Variants in TMPRSS9 observed in about 807,000 individuals in gnomAD.
TMPRSS9 encodes transmembrane protease serine 9.
A neutral mutation model predicts 111.4 loss-of-function variants in TMPRSS9; 113 were observed. The observed-to-expected ratio is 1.01, with a 90% CI of 0.87 to 1.19. The LOEUF is 1.19. TMPRSS9 is among the 50% of genes most tolerant of loss of function. The pLI, the probability that TMPRSS9 is intolerant of heterozygous loss-of-function variation, is 0.00. For synonymous variants in TMPRSS9, 805 were observed against 659.1 expected (o/e 1.22, Z -3.39); for missense variants, 1,803 against 1,513.1 (o/e 1.19, Z -3.18).
At chr19:2,374,136 T>C (rs1218593434) in intron 1 of TMPRSS9, among the ~76,000 whole-genome samples, 1 of 152,014 alleles carries the variant, frequency 6.6e-6, no homozygotes. Context: ...CTTCACTGCT[T>C]TTCAAGCTAT....
intron 8 of TMPRSS9, among the ~76,000 whole-genome samples, chr19:2,409,888 CAG>C (rs1329512579): frequency 4.6e-5 from 7 of 151,906 alleles, no homozygotes; most frequent in Admixed American, 6.6e-5. Flanking sequence ...GGGCGTGAGA[CAG>C]GGGCTGATTC....
At chr19:2,394,483 G>C (rs1970666346) in intron 1 of TMPRSS9, among the ~76,000 whole-genome samples, 1 of 152,140 alleles carries the variant, frequency 6.6e-6, no homozygotes, top group Admixed American at 6.6e-5. Flanking sequence ...AGAGCGGGAG[G>C]CGTTCTGAAC....
chr19:2,414,281 C>G, intron 10 of TMPRSS9: 1 of 332,726 alleles, frequency 3.0e-6, no homozygotes, highest in Non-Finnish European at 5.6e-6. Context: ...GCTCCGTCGC[C>G]CAGGCTGGAG....
intron 1 of TMPRSS9, among the ~76,000 whole-genome samples, chr19:2,391,261 T>TAAAAAAAAAAAAAAAAAA (rs1555677770): frequency 1.3e-5 from 1 of 75,172 alleles, no homozygotes; most frequent in African/African-American, 6.3e-5. Flanking sequence ...AAAAAAAAAG[T>TAAAAAAAAAAAAAAAAAA]TAATTTTAAC....
intron 11 of TMPRSS9, 80 bp downstream of exon 12, chr19:2,415,921 G>T: frequency 7.5e-6 from 11 of 1,474,348 alleles, no homozygotes; most frequent in Non-Finnish European, 9.9e-6. Flanking sequence ...ATCCTGCTGG[G>T]GCTGCTGCAT....
At chr19:2,396,661 G>T (rs746597434) in exon 2 of TMPRSS9, 20 of 1,608,178 alleles carry the variant, frequency 1.2e-5, no homozygotes, top group Non-Finnish European at 1.4e-5. Flanking sequence ...CACCCTGGAG[G>T]CACTGGTGAG....
chr19:2,420,190 G>A (rs886410157), intron 13 of TMPRSS9, among the ~76,000 whole-genome samples: 1 of 152,022 alleles, frequency 6.6e-6, no homozygotes, highest in African/African-American at 2.4e-5. Flanking sequence ...GCAGTGGCAT[G>A]CATTTTGGGA....
chr19:2,379,633 CTT>C (rs1285307655), intron 1 of TMPRSS9, among the ~76,000 whole-genome samples: 12 of 146,366 alleles, frequency 8.2e-5, no homozygotes, highest in African/African-American at 3.1e-4. Flanking sequence ...TTCTTTCTTT[CTT>C]TCTTTCTTTC....
intron 7 of TMPRSS9, among the ~76,000 whole-genome samples, chr19:2,405,755 G>A (rs1471783185): frequency 1.3e-5 from 2 of 150,562 alleles, no homozygotes; most frequent in African/African-American, 4.9e-5. Context: ...GTCCAGGCTG[G>A]AGTGCAGTGA....
At chr19:2,389,678 G>A, upstream of TMPRSS9, 5 of 1,398,780 alleles carry the variant, frequency 3.6e-6, no homozygotes, top group Non-Finnish European at 4.8e-6. Flanking sequence ...GTTTTTAAGG[G>A]TATAGTTGCA....
intron 6 of TMPRSS9, among the ~76,000 whole-genome samples, chr19:2,404,219 T>C (rs1255105146): frequency 6.6e-6 from 1 of 152,084 alleles, no homozygotes; most frequent in Admixed American, 6.6e-5. Context: ...ATAAAAATAC[T>C]AGCCCATGCA....
intron 5 of TMPRSS9, among the ~76,000 whole-genome samples, chr19:2,402,529 C>T (rs1216901301): frequency 1.3e-5 from 2 of 151,984 alleles, no homozygotes; most frequent in African/African-American, 4.8e-5. Context: ...CACCTGAGGT[C>T]AGGAGTTCGA....
At chr19:2,389,229 A>G (rs997938063), upstream of TMPRSS9, among the ~76,000 whole-genome samples, 1 of 145,272 alleles carries the variant, frequency 6.9e-6, no homozygotes, top group South Asian at 2.2e-4. Flanking sequence ...GCCCACCACC[A>G]CGCCTGACTA....
At chr19:2,383,596 A>G (rs1171814828) in intron 1 of TMPRSS9, among the ~76,000 whole-genome samples, 1 of 148,938 alleles carries the variant, frequency 6.7e-6, no homozygotes, top group Non-Finnish European at 1.5e-5. Flanking sequence ...TCGGCCTCCC[A>G]AGGTGCTGGG....
intron 4 of TMPRSS9, among the ~76,000 whole-genome samples, chr19:2,401,572 T>C (rs983905148): frequency 3.9e-5 from 6 of 152,034 alleles, no homozygotes; most frequent in African/African-American, 1.4e-4. Context: ...CTCACTTTAC[T>C]CCATGACCTG....
chr19:2,367,796 C>T lies in TMPRSS9; in HGVS notation c.-26+7436C>T, dbSNP rs554129769. Among the ~76,000 whole-genome samples the T allele has an allele frequency of 7.2e-5, 11 of 151,864 alleles. No homozygotes were observed. In the South Asian group the frequency reaches 1.9e-3, roughly 26 times the overall value. On this transcript the variant is annotated intron_variant, in intron 1 of 17. Coordinates refer to the TMPRSS9 transcript ENST00000649857. ...GCCAGGCTGGTCTTGAACTCTTGAC[C>T]TCAGGTGATCCACCCACCTTGGCCT... is the stretch of plus-strand genomic sequence containing the variant.
chr19:2,424,014 G>C, intron 14 of TMPRSS9, 75 bp from the exon 16 acceptor site: 2 of 1,238,664 alleles, frequency 1.6e-6, no homozygotes, highest in Non-Finnish European at 1.0e-6. Context: ...GATTCGTGGA[G>C]AGGCGGCGCC....
intron 13 of TMPRSS9, among the ~76,000 whole-genome samples, chr19:2,419,674 G>A (rs751992948): frequency 2.0e-5 from 3 of 151,762 alleles, no homozygotes; most frequent in Admixed American, 6.6e-5. Context: ...GTGCCTCCAC[G>A]TCCAGCTAAT....
exon 16 of TMPRSS9, chr19:2,425,127 A>G (rs1421158093): frequency 1.3e-6 from 2 of 1,582,112 alleles, no homozygotes; most frequent in Non-Finnish European, 1.7e-6. Flanking sequence ...ACGCTCGACT[A>G]CGACGTGGCG....
Sources: gnomAD v4.1 joint callset for allele counts (sites outside exome capture counted in the v4.1 genomes callset) on GRCh38, gnomAD v4.1.1 for gene constraint, MANE v1.5 for transcripts, NCBI Gene and HGNC (gene_info 2026-07-23, HGNC 2026-07-21) for gene names.